Variants in FANCC observed in about 807,000 individuals in gnomAD.
FANCC encodes Fanconi anemia group C protein.
A neutral mutation model predicts 71.3 loss-of-function variants in FANCC; 55 were observed. That is an observed-to-expected ratio of 0.77 (90% CI 0.62 to 0.97). The LOEUF is 0.97. Among genes scored for constraint, FANCC ranks in the 50% least tolerant of loss-of-function variants. FANCC has a pLI of 0.00. For missense variants in FANCC, 678 were observed against 670.9 expected, an observed-to-expected ratio of 1.01 and a Z score of -0.12; for synonymous variants, 275 against 244.9, an observed-to-expected ratio of 1.12 and a Z score of -1.15.
intron 1 of FANCC, among the ~76,000 whole-genome samples, chr9:95,278,333 G>A (rs1304748038): frequency 2.0e-5 from 3 of 152,184 alleles, no homozygotes; most frequent in African/African-American, 4.8e-5. Flanking sequence ...GTGATACACA[G>A]TCAGTAGAAG....
At chr9:95,149,811 G>T in intron 7 of FANCC, 112 bp downstream of exon 7, 1 of 1,189,216 alleles carries the variant, frequency 8.4e-7, no homozygotes, top group Non-Finnish European at 1.2e-6. Flanking sequence ...AGTATAAAGG[G>T]TACTGAGACA....
At chr9:95,111,134 C>T (rs1275571436) in intron 13 of FANCC, 4 of 1,534,020 alleles carry the variant, frequency 2.6e-6, no homozygotes, top group Non-Finnish European at 3.5e-6. Flanking sequence ...CAGCCCGCCT[C>T]TGCAGGGCAC....
At chr9:95,209,584 T>C (rs1174029640) in intron 4 of FANCC, among the ~76,000 whole-genome samples, 1 of 152,156 alleles carries the variant, frequency 6.6e-6, no homozygotes, top group African/African-American at 2.4e-5. Flanking sequence ...ATGTATGAAT[T>C]AAAACAAAAT....
chr9:95,238,325 A>G (rs1336208971), intron 4 of FANCC, among the ~76,000 whole-genome samples: 2 of 152,150 alleles, frequency 1.3e-5, no homozygotes, highest in Non-Finnish European at 2.9e-5. Context: ...GTACATTTCC[A>G]GCTATGCCTA....
rs1261067945 is a variant in FANCC, at chr9:95,186,281, G to A, written c.346-14134C>T. 3.3e-5 allele frequency among the ~76,000 whole-genome samples: 5 copies of A among 152,342 alleles called. No individual in the cohort carries two copies. The South Asian group carries it at 1.0e-3, about 32-fold the overall frequency. On this transcript the variant is annotated intron_variant, in intron 4 of 14. Coordinates refer to ENST00000289081, the MANE Select transcript of FANCC (RefSeq NM_000136.3). ...GGTTTAAACCGATCACATTTTCTCA[G>A]TGTTGCCACCATTGGCATTTTGGGC...
chr9:95,172,062 T>C lies in FANCC; in HGVS notation c.431A>G (p.Asp144Gly), dbSNP rs1478975040. The change falls in exon 5 of 15, where the codon GAT becomes GGT. Residue 144 changes from aspartate (D) to glycine (G), a missense_variant. By Grantham distance (94) the Asp-to-Gly change is moderately conservative. Coordinates refer to ENST00000289081, the MANE Select transcript of FANCC (RefSeq NM_000136.3). ...ATTTTTAAGCAAACCAGGATAGTAA[T>C]CTATAGGTGCATACCCAAGACCTTG... is the stretch of plus-strand genomic sequence containing the variant. ...FTQGLGYAPI[D>G]YYPGLLKNMV... 6.2e-7 allele frequency: 1 copy of C among 1,610,850 alleles called. No homozygotes were observed. Among genetic ancestry groups the C allele is most frequent in the Admixed American group, 1.7e-5 (1 of 60,008 alleles).
chr9:95,124,446 C>A (rs1825654266), intron 10 of FANCC, among the ~76,000 whole-genome samples: 1 of 152,192 alleles, frequency 6.6e-6, no homozygotes, highest in South Asian at 2.1e-4. Flanking sequence ...AGCTGTTGCC[C>A]AGCCTCTGCT....
chr9:95,117,205 C>G lies in FANCC; in HGVS notation c.1072+110G>C, dbSNP rs970577338. On this transcript the variant is annotated intron_variant, in intron 11 of 14. Transcript: ENST00000289081. ...GGCTTAAAGGGATCTTAGAAATAAC[C>G]AGTTCTGTCTCCCTCATGCTGTAGA... 11 of 951,974 alleles carry G rather than the reference C, an allele frequency of 1.2e-5. No homozygotes were observed. The Admixed American group carries it at 2.1e-4, about 19-fold the overall frequency. 59.0% of individuals were successfully genotyped at this position (951,974 alleles called of 1,614,324 possible).
chr9:95,165,807 C>A (rs1400348048), intron 6 of FANCC, among the ~76,000 whole-genome samples: 4 of 151,974 alleles, frequency 2.6e-5, no homozygotes, highest in African/African-American at 9.7e-5. Flanking sequence ...TGGTCCACAG[C>A]ATTATTCAAG....
At chr9:95,162,779 A>G (rs1205664947) in intron 6 of FANCC, among the ~76,000 whole-genome samples, 1 of 152,168 alleles carries the variant, frequency 6.6e-6, no homozygotes, top group Non-Finnish European at 1.5e-5. Context: ...ATGTCTATTC[A>G]AGTCTTTGAC....
At chr9:95,289,936 G>A (rs1437115407) in intron 1 of FANCC, among the ~76,000 whole-genome samples, 1 of 152,212 alleles carries the variant, frequency 6.6e-6, no homozygotes, top group Non-Finnish European at 1.5e-5. Flanking sequence ...TGGGATTACA[G>A]ACATGATCCA....
intron 10 of FANCC, among the ~76,000 whole-genome samples, chr9:95,120,750 A>G (rs1368602669): frequency 6.6e-6 from 1 of 152,022 alleles, no homozygotes; most frequent in African/African-American, 2.4e-5. Flanking sequence ...TTTTTGTTCA[A>G]TCTGACGTTT....
At chr9:95,267,339 C>A (rs1028402877) in intron 1 of FANCC, among the ~76,000 whole-genome samples, 2 of 152,154 alleles carry the variant, frequency 1.3e-5, no homozygotes, top group African/African-American at 2.4e-5. Flanking sequence ...CAGGACCAGG[C>A]ACTGCGTGAA....
intron 4 of FANCC, among the ~76,000 whole-genome samples, chr9:95,233,597 G>T (rs1216450081): frequency 6.6e-6 from 1 of 152,178 alleles, no homozygotes; most frequent in East Asian, 1.9e-4. Flanking sequence ...GGGAAGATCA[G>T]GGAGTGGCCT....
intron 6 of FANCC, among the ~76,000 whole-genome samples, chr9:95,160,704 T>G (rs1300368288): frequency 1.3e-5 from 2 of 152,206 alleles, no homozygotes; most frequent in Admixed American, 1.3e-4. Flanking sequence ...TTTATTTCCT[T>G]GAGCAGTGGT....
At chr9:95,146,038 T>G (rs1829496186) in intron 7 of FANCC, among the ~76,000 whole-genome samples, 1 of 152,070 alleles carries the variant, frequency 6.6e-6, no homozygotes, top group Non-Finnish European at 1.5e-5. Context: ...TCAGGATAAT[T>G]TAATTCCTGA....
intron 4 of FANCC, among the ~76,000 whole-genome samples, chr9:95,229,670 G>A (rs1045226599): frequency 1.3e-5 from 2 of 152,184 alleles, no homozygotes; most frequent in Non-Finnish European, 2.9e-5. Flanking sequence ...GGTCACCCAA[G>A]TGGAGATGTC....
intron 6 of FANCC, among the ~76,000 whole-genome samples, chr9:95,151,796 C>T (rs771919434): frequency 6.6e-6 from 1 of 152,004 alleles, no homozygotes; most frequent in South Asian, 2.1e-4. Flanking sequence ...GGTGTGGTGG[C>T]TTACGCCTGC....
At chr9:95,213,586 A>G (rs1179267542) in intron 4 of FANCC, among the ~76,000 whole-genome samples, 7 of 152,212 alleles carry the variant, frequency 4.6e-5, no homozygotes, top group African/African-American at 1.7e-4. Flanking sequence ...TGATGGTGGG[A>G]AATTCTGACT....
Sources: allele counts gnomAD v4.1 joint callset (sites outside exome capture counted in the v4.1 genomes callset), GRCh38; gene constraint gnomAD v4.1.1; transcripts MANE v1.5; gene names NCBI Gene and HGNC (gene_info 2026-07-23, HGNC 2026-07-21).